TSPAN16: variants seen among roughly 807,000 people sequenced by gnomAD.
The protein encoded by TSPAN16 is tetraspanin-16.
In TSPAN16, 23 loss-of-function variants were observed where a neutral mutation model predicts 25.2. The ratio of observed to expected loss-of-function variants is 0.91; its 90% CI spans 0.66 to 1.29. The LOEUF is 1.29. Ranked by LOEUF, TSPAN16 falls within the 50% of genes most tolerant of loss-of-function variation. The pLI, the probability that TSPAN16 is intolerant of heterozygous loss-of-function variation, is 0.00. For synonymous variants in TSPAN16, 123 were observed against 124.4 expected (o/e 0.99, Z 0.08); for missense variants, 272 against 299.9 (o/e 0.91, Z 0.69).
In TSPAN16 at chr19:11,298,321, C is replaced by A. The variant is rs368011133; in HGVS notation, c.249C>A (p.Ser83Arg). Residue 83 changes from serine (S) to arginine (R), a missense_variant, in exon 2 of 7, where the codon AGC (serine) becomes AGA (arginine). Transcript: ENST00000590327. ...CAGWYGATKESRGTLLFCILS... is the reference protein window; with the variant it reads ...CAGWYGATKERRGTLLFCILS... ...GGTGGTATGGAGCGACTAAAGAGAG[C>A]AGAGGCACGCTCTTGTTTGTAAGTT... 1 of 1,613,844 alleles carries A rather than the reference C, an allele frequency of 6.2e-7. No individual in the cohort carries two copies. The highest frequency in any genetic ancestry group is 1.3e-5 in the African/African-American group (1 of 74,906).
chr19:11,325,766 C>T (rs2147965527), intron 6 of TSPAN16, among the ~76,000 whole-genome samples: 1 of 152,246 alleles, frequency 6.6e-6, no homozygotes, highest in East Asian at 1.9e-4. Flanking sequence ...GAATGATGAT[C>T]CTACCAATGA....
downstream of TSPAN16, among the ~76,000 whole-genome samples, chr19:11,317,355 A>T (rs2080754522): frequency 2.0e-5 from 3 of 151,782 alleles, no homozygotes; most frequent in Admixed American, 6.6e-5. Flanking sequence ...TCACTCTATC[A>T]CCCATGCTGG....
chr19:11,318,327 A>AT (rs1336173993), downstream of TSPAN16, among the ~76,000 whole-genome samples: 1 of 151,724 alleles, frequency 6.6e-6, no homozygotes, highest in East Asian at 1.9e-4. Context: ...ACCCAGCCTA[A>AT]TTTTTTGTAT....
rs571764022 is a variant in TSPAN16 at position 11,303,573 on chromosome 19, A to T, written c.450+2265A>T. On this transcript the variant is annotated intron_variant, in intron 4 of 6. Transcript: ENST00000590327. ...ATCAATAAAAAATAAATAAATAAAT[A>T]AATTAAAAAAAAAAAAAAAAAAAAC... Among the ~76,000 whole-genome samples the T allele has an allele frequency of 1.9e-3, 228 of 117,176 alleles. 2 individuals carry two copies. Among genetic ancestry groups the T allele is most frequent in the South Asian group, 0.013 (50 of 3,852 alleles). The allele number at this position is 117,176 out of a possible 152,430, so 76.9% of individuals were successfully genotyped here. A position where few individuals can be genotyped will look rare whatever the true frequency, so the allele number is the denominator to read the frequency against.
chr19:11,326,661 T>C (rs2080815017), intron 6 of TSPAN16: 2 of 576,122 alleles, frequency 3.5e-6, no homozygotes, highest in Admixed American at 3.0e-5. Flanking sequence ...CGGGGTGTAG[T>C]GGTATGAACA....
intron 5 of TSPAN16, among the ~76,000 whole-genome samples, chr19:11,308,541 G>C (rs1156749111): frequency 1.3e-5 from 2 of 151,510 alleles, no homozygotes; most frequent in Admixed American, 1.3e-4. Context: ...CGCAATCTTG[G>C]CTTACTGCAA....
intron 5 of TSPAN16, among the ~76,000 whole-genome samples, chr19:11,310,009 G>A (rs966751713): frequency 2.0e-5 from 3 of 152,092 alleles, no homozygotes; most frequent in African/African-American, 4.8e-5. Context: ...GGAGGCTGAC[G>A]CAGGAGGATT....
At chr19:11,296,607 G>A (rs939646989) in intron 1 of TSPAN16, among the ~76,000 whole-genome samples, 2 of 152,224 alleles carry the variant, frequency 1.3e-5, no homozygotes, top group Non-Finnish European at 2.9e-5. Flanking sequence ...GTGGGTGATG[G>A]AAGAGCTTGG....
chr19:11,306,397 G>A (rs2080626487), intron 4 of TSPAN16, among the ~76,000 whole-genome samples: 1 of 151,866 alleles, frequency 6.6e-6, no homozygotes, highest in Non-Finnish European at 1.5e-5. Flanking sequence ...GTCTCACCCT[G>A]TTGCCCAGGC....
intron 3 of TSPAN16, among the ~76,000 whole-genome samples, chr19:11,299,985 G>GAAAAAAAAAAAA (rs60293071): frequency 9.3e-6 from 1 of 107,758 alleles, no homozygotes. Context: ...CTCAAAAAAA[G>GAAAAAAAAAAAA]AAAAAAAAAA....
chr19:11,318,215 T>C (rs1180529468), downstream of TSPAN16, among the ~76,000 whole-genome samples: 1 of 151,954 alleles, frequency 6.6e-6, no homozygotes, highest in Non-Finnish European at 1.5e-5. Context: ...TTTATAGAGA[T>C]GGGGTTTCAC....
intron 6 of TSPAN16, chr19:11,325,500 C>A: frequency 6.2e-7 from 1 of 1,613,716 alleles, no homozygotes. Context: ...ACTCGTTCAT[C>A]TTCTCGCAGA....
rs1379968257 is a variant in TSPAN16, at chr19:11,298,892, T to G, written c.288T>G (p.Ile96Met). 16 of 1,614,012 alleles carry G rather than the reference T, an allele frequency of 9.9e-6. No individual in the cohort carries two copies. Among genetic ancestry groups the G allele is most frequent in the African/African-American group, 2.7e-5 (2 of 74,922 alleles). Residue 96 changes from isoleucine (I) to methionine (M), a missense_variant, in exon 3 of 7, where the codon ATT becomes ATG. Coordinates refer to ENST00000590327, the MANE Select transcript of TSPAN16 (RefSeq NM_001282509.2). ...TTTAGTGCATCCTGTCAATGGTTAT[T>G]GTCCTCATCATGGAAGTTACAGCTG... Reference protein sequence around the residue: ...TLLFCILSMVIVLIMEVTAAT... With the variant: ...TLLFCILSMVMVLIMEVTAAT...
intron 6 of TSPAN16, among the ~76,000 whole-genome samples, chr19:11,314,537 C>T (rs1374225240): frequency 3.9e-5 from 6 of 151,960 alleles, no homozygotes; most frequent in Non-Finnish European, 7.4e-5. Context: ...TTTCATTGTA[C>T]AAATTTATAA....
In TSPAN16 at chr19:11,301,023, G is replaced by C. The variant is rs146943564; in HGVS notation, c.343-178G>C. ...TCTCCCTGTTTCCCTCTCTTGTGGT[G>C]GGGGCACAGTAGCCTTCGTGTGTCT... On this transcript the variant is annotated intron_variant, in intron 3 of 6. Coordinates refer to ENST00000590327, the MANE Select transcript of TSPAN16 (RefSeq NM_001282509.2). 560 of 572,404 alleles carry C rather than the reference G, an allele frequency of 9.8e-4. 3 individuals are homozygous for C. Among genetic ancestry groups the C allele is most frequent in the Non-Finnish European group, 1.5e-3 (486 of 314,752 alleles). The allele number at this position is 572,404 out of a possible 1,614,324, so 35.5% of individuals were successfully genotyped here. A position where few individuals can be genotyped will look rare whatever the true frequency, so the allele number is the denominator to read the frequency against.
Position 11,306,704 on chromosome 19 carries a change from G to T in TSPAN16, c.551G>T (p.Gly184Val). The T allele has an allele frequency of 6.2e-7, 1 of 1,614,120 alleles. No homozygotes were observed. Among genetic ancestry groups the T allele is most frequent in the East Asian group, 2.2e-5 (1 of 44,890 alleles). The change falls in exon 5 of 7, where the codon GGA becomes GTA. Residue 184 changes from glycine to valine, a missense_variant. Gly to Val is a moderately radical substitution (Grantham distance 109). Transcript: ENST00000590327. Reference sequence around the variant, plus strand: ...CCCAGGAGTTGCTGTAAATCCATCGGAAGTGTGTCCTGTGACGGACGCGAT... The same window carrying T: ...CCCAGGAGTTGCTGTAAATCCATCGTAAGTGTGTCCTGTGACGGACGCGAT... ...TYPRSCCKSI[G>V]SVSCDGRDVS...
intron 2 of TSPAN16, among the ~76,000 whole-genome samples, chr19:11,298,664 C>A (rs1343671129): frequency 1.3e-5 from 2 of 152,048 alleles, no homozygotes; most frequent in Non-Finnish European, 2.9e-5. Flanking sequence ...GAAGTCCTGA[C>A]CTCGTGATCC....
chr19:11,311,971 C>T (rs962718785), intron 5 of TSPAN16, among the ~76,000 whole-genome samples, 168 bp from the exon 6 acceptor site: 6 of 152,014 alleles, frequency 3.9e-5, no homozygotes, highest in Non-Finnish European at 7.4e-5. Context: ...TGGCGGGGAG[C>T]GGGTGGCAGT....
At chr19:11,301,080 G>C in intron 3 of TSPAN16, 121 bp from the exon 4 acceptor site, 1 of 754,102 alleles carries the variant, frequency 1.3e-6, no homozygotes, top group South Asian at 1.6e-5. Flanking sequence ...GCTGAGGGTA[G>C]GAAAAATGAA....
Sources: gnomAD v4.1 joint callset for allele counts (sites outside exome capture counted in the v4.1 genomes callset) on GRCh38, gnomAD v4.1.1 for gene constraint, MANE v1.5 for transcripts, NCBI Gene and HGNC (gene_info 2026-07-23, HGNC 2026-07-21) for gene names.